NRBP1: variants seen among roughly 807,000 people sequenced by gnomAD.
NRBP1 encodes the protein nuclear receptor-binding protein.
NRBP1 carries 10 observed loss-of-function variants against 76.0 expected under a neutral mutation model. The ratio of observed to expected loss-of-function variants is 0.13; its 90% CI spans 0.08 to 0.22. NRBP1 has a LOEUF of 0.22. Ranked by LOEUF, NRBP1 falls within the 10% of genes least tolerant of loss-of-function variation. The pLI is 1.00. For synonymous variants in NRBP1, 235 were observed against 240.2 expected, an observed-to-expected ratio of 0.98 and a Z score of 0.20; for missense variants, 344 against 646.0, an observed-to-expected ratio of 0.53 and a Z score of 5.07.
intron 7 of NRBP1, chr2:27,435,590 G>C: frequency 1.4e-6 from 1 of 704,162 alleles, no homozygotes. Context: ...ATTGTATGCA[G>C]TGTACAACAT....
At chr2:27,429,255 G>A (rs1420633160) in intron 1 of NRBP1, 2 of 152,428 alleles carry the variant, frequency 1.3e-5, no homozygotes, top group South Asian at 4.1e-4. Flanking sequence ...CCAGACGCAG[G>A]GCATGCGACC....
intron 14 of NRBP1, 31 bp from the exon 15 acceptor site, chr2:27,441,096 T>C: frequency 6.2e-7 from 1 of 1,612,224 alleles, no homozygotes; most frequent in Non-Finnish European, 8.5e-7. Context: ...TATGGACAGG[T>C]CTCTAGAGTG....
chr2:27,436,859 C>A, intron 8 of NRBP1, 23 bp downstream of exon 8: 1 of 1,602,776 alleles, frequency 6.2e-7, no homozygotes, highest in Non-Finnish European at 8.5e-7. Flanking sequence ...GCTTTCTCTG[C>A]CCTGTCCTCA....
rs1321714190 is a variant in NRBP1, at chr2:27,442,125, C to T, written c.*313C>T. On this transcript the variant is annotated 3_prime_UTR_variant, in exon 18 of 18. Transcript: ENST00000379852. Reference sequence around the variant, plus strand: ...TGTGTGGAAAGGAGGCCCACGGGCACTAGGGGAGCCGAATTCTACAATCCC... The same window carrying T: ...TGTGTGGAAAGGAGGCCCACGGGCATTAGGGGAGCCGAATTCTACAATCCC... The T allele has an allele frequency of 5.6e-6, 3 of 531,682 alleles. No homozygotes were observed. The African/African-American group carries it at 6.0e-5, about 11-fold the overall frequency. 32.9% of individuals were successfully genotyped at this position (531,682 alleles called of 1,614,324 possible).
chr2:27,439,996 T>A, intron 11 of NRBP1, 98 bp downstream of exon 11: 2 of 147,168 alleles, frequency 1.4e-5, no homozygotes, highest in Non-Finnish European at 9.2e-6. Context: ...AAAGGGATTC[T>A]TTTTTTTTTT....
Position 27,440,343 on chromosome 2 carries a change from C to T in NRBP1, c.1037-60C>T, listed in dbSNP as rs944510344. 23 of 1,196,052 alleles carry T rather than the reference C, an allele frequency of 1.9e-5. No homozygotes were observed. In the South Asian group the frequency reaches 2.6e-4, roughly 13 times the overall value. 74.1% of individuals were successfully genotyped at this position (1,196,052 alleles called of 1,614,324 possible). A position where few individuals can be genotyped will look rare whatever the true frequency, so the allele number is the denominator to read the frequency against. On this transcript the variant is annotated intron_variant, in intron 11 of 17. Transcript: ENST00000379852. ...ATTCTTTACCCCTTTGCCTGCATGC[C>T]TTCTTTGACATTTAATCTGACTATC...
intron 10 of NRBP1, among the ~76,000 whole-genome samples, 200 bp from the exon 11 acceptor site, chr2:27,439,566 G>A (rs1269176922): frequency 6.6e-6 from 1 of 151,442 alleles, no homozygotes; most frequent in Non-Finnish European, 1.5e-5. Context: ...AAACCAGAAA[G>A]GCAGTGGATG....
In NRBP1 at chr2:27,441,848, C is replaced by A; in HGVS notation, c.*36C>A. ...GGCCAGGCCCTGATCTGCGCTGTGG[C>A]TGTCCCTGGACGTGCTGCAGCCCTC... is the stretch of plus-strand genomic sequence containing the variant. On this transcript the variant is annotated 3_prime_UTR_variant, in exon 18 of 18. Coordinates refer to ENST00000379852, the MANE Select transcript of NRBP1 (RefSeq NM_013392.4). 7.4e-7 allele frequency: 1 copy of A among 1,351,532 alleles called. No individual in the cohort carries two copies. Among genetic ancestry groups the A allele is most frequent in the Non-Finnish European group, 1.1e-6 (1 of 950,786 alleles). 83.7% of individuals were successfully genotyped at this position (1,351,532 alleles called of 1,614,324 possible).
In NRBP1 at chr2:27,435,153, C is replaced by T; in HGVS notation, c.587C>T (p.Pro196Leu). ...SALSYLHSCD[P>L]PIIHGNLTCD... The stretch of plus-strand genomic sequence containing the variant: ...CACAGCTACCTGCACTCCTGTGACC[C>T]CCCCATCATCCATGGGAACCTGACC... Residue 196 changes from proline (P) to leucine (L), a missense_variant, in exon 7 of 18, where the codon CCC becomes CTC. Physicochemically the swap from Pro to Leu is moderately conservative, Grantham distance 98. Transcript: ENST00000379852. The T allele has an allele frequency of 1.2e-6, 2 of 1,614,054 alleles. No individual in the cohort carries two copies. Among genetic ancestry groups the T allele is most frequent in the Non-Finnish European group, 1.7e-6 (2 of 1,179,992 alleles).
chr2:27,436,969 T>A, intron 8 of NRBP1, 78 bp from the exon 9 acceptor site: 1 of 1,499,206 alleles, frequency 6.7e-7, no homozygotes, highest in South Asian at 1.2e-5. Context: ...TCTTTTCTTT[T>A]TTTTTTTTCC....
At position 27,441,679 on chromosome 2, in the gene NRBP1, C is replaced by T; in HGVS notation, c.1504-29C>T. On this transcript the variant is annotated intron_variant, in intron 17 of 17. Transcript: ENST00000379852. ...CCCCCATGCCTTCTCTTCTCTCAGC[C>T]CCCATCTTACTGAGCTCTTCTCCCC... is the stretch of plus-strand genomic sequence containing the variant. 5 of 1,610,454 alleles carry T rather than the reference C, an allele frequency of 3.1e-6. No homozygotes were observed. The African/African-American group carries it at 5.3e-5, about 17-fold the overall frequency.
At chr2:27,429,764 T>C (rs565641327) in intron 1 of NRBP1, among the ~76,000 whole-genome samples, 6 of 152,288 alleles carry the variant, frequency 3.9e-5, no homozygotes, top group Admixed American at 1.3e-4. Flanking sequence ...GGCATCTATC[T>C]CTGATGAAGG....
intron 1 of NRBP1, 122 bp from the exon 2 acceptor site, chr2:27,433,132 G>A (rs935681442): frequency 9.5e-6 from 6 of 633,638 alleles, no homozygotes; most frequent in Non-Finnish European, 1.7e-5. Flanking sequence ...GCCCACCTCA[G>A]CCTCCCAAAG....
At position 27,439,784 on chromosome 2, in the gene NRBP1, C is replaced by G; in HGVS notation, c.922C>G (p.Leu308Val). ...PLQREFIQKC[L>V]QSEPARRPTA... is the part of the protein sequence containing the mutation. ...TTTCTAGGAGTTCATTCAAAAGTGC[C>G]TGCAGTCTGAGCCTGCTCGCAGACC... Residue 308 changes from leucine to valine, a missense_variant, in exon 11 of 18, where the codon CTG becomes GTG. By Grantham distance (32) the Leu-to-Val change is conservative (BLOSUM62 1). Around this residue, in one of 3 missense-constraint regions of NRBP1, gnomAD observed 218 missense variants for 309.8 expected, o/e 0.70. Coordinates refer to ENST00000379852, the MANE Select transcript of NRBP1 (RefSeq NM_013392.4). 6.2e-7 allele frequency: 1 copy of G among 1,614,060 alleles called. No homozygotes were observed. Among genetic ancestry groups the G allele is most frequent in the Non-Finnish European group, 8.5e-7 (1 of 1,179,986 alleles).
At chr2:27,436,222 A>G (rs567538581) in intron 7 of NRBP1, 1 of 216,900 alleles carries the variant, frequency 4.6e-6, no homozygotes, top group Admixed American at 5.2e-5. Context: ...TTCACTCAGC[A>G]AAGGTGGGTA....
chr2:27,428,780 G>A (rs1450524874), intron 1 of NRBP1, 49 bp downstream of exon 1: 2 of 398,252 alleles, frequency 5.0e-6, no homozygotes, highest in East Asian at 3.6e-5. Context: ...TTCGCGAGAG[G>A]ACGGAAGGAT....
chr2:27,428,548 G>A (rs1016502764), upstream of NRBP1: 21 of 395,876 alleles, frequency 5.3e-5, no homozygotes, highest in Non-Finnish European at 8.0e-5. Flanking sequence ...CGCCCACCCA[G>A]AACGTCACCC....
chr2:27,435,873 C>A, intron 7 of NRBP1: 1 of 699,048 alleles, frequency 1.4e-6, no homozygotes, highest in Non-Finnish European at 2.7e-6. Context: ...ATTATGCCTG[C>A]TTAGCTTCTG....
intron 14 of NRBP1, 39 bp downstream of exon 14, chr2:27,440,979 G>T: frequency 6.2e-7 from 1 of 1,612,314 alleles, no homozygotes; most frequent in Non-Finnish European, 8.5e-7. Context: ...CCATGGTTGT[G>T]GTGGAAGGGA....
Sources: allele counts gnomAD v4.1 joint callset (sites outside exome capture counted in the v4.1 genomes callset), GRCh38; gene constraint gnomAD v4.1.1; regional missense constraint gnomAD v4.1.1; transcripts MANE v1.5; gene names NCBI Gene and HGNC (gene_info 2026-07-23, HGNC 2026-07-21).